GOLT1A: variants seen among roughly 807,000 people sequenced by gnomAD.
GOLT1A encodes the protein vesicle transport protein GOT1A.
Under a neutral mutation model 16.1 loss-of-function variants are expected in GOLT1A, and 10 were observed. The observed-to-expected ratio is 0.62, with a 90% CI of 0.38 to 1.05. The LOEUF (loss-of-function observed/expected upper bound fraction) is 1.05, where lower values mean the gene tolerates loss of function less well. Among genes scored for constraint, GOLT1A ranks in the 50% least tolerant of loss-of-function variants. GOLT1A has a pLI of 0.01. For synonymous variants in GOLT1A, 60 were observed against 67.9 expected (o/e 0.88, Z 0.57); for missense variants, 137 against 165.7 (o/e 0.83, Z 0.95).
intron 3 of GOLT1A, 21 bp downstream of exon 3, chr1:204,201,612 G>A: frequency 1.9e-6 from 3 of 1,613,266 alleles, no homozygotes; most frequent in Non-Finnish European, 2.5e-6. Flanking sequence ...TCTGTCCAGG[G>A]TTATAGGGAT....
intron 1 of GOLT1A, among the ~76,000 whole-genome samples, chr1:204,208,502 A>ATATATATATATATATATAT (rs1491494433): frequency 1.6e-5 from 1 of 62,104 alleles, no homozygotes; most frequent in African/African-American, 7.0e-5. Flanking sequence ...ATATATATAT[A>ATATATATATATATATATAT]AAAAATGAAC....
At chr1:204,206,893 C>T (rs1659047158) in intron 1 of GOLT1A, among the ~76,000 whole-genome samples, 1 of 151,664 alleles carries the variant, frequency 6.6e-6, no homozygotes, top group South Asian at 2.1e-4. Context: ...GTTATCCCTC[C>T]TCCACCTGTT....
intron 1 of GOLT1A, among the ~76,000 whole-genome samples, chr1:204,208,873 C>A (rs754099046): frequency 1.3e-5 from 2 of 152,102 alleles, no homozygotes; most frequent in South Asian, 2.1e-4. Context: ...ACAAAAAATT[C>A]TCCTAAACAG....
intron 3 of GOLT1A, among the ~76,000 whole-genome samples, chr1:204,199,534 C>T (rs1658918134): frequency 6.6e-6 from 1 of 152,172 alleles, no homozygotes; most frequent in South Asian, 2.1e-4. Context: ...TCTCAATTTC[C>T]AGCCATAAAA....
intron 1 of GOLT1A, among the ~76,000 whole-genome samples, chr1:204,208,476 G>GTGTGTGTATA (rs1286299770): frequency 1.5e-4 from 6 of 39,952 alleles, no homozygotes; most frequent in African/African-American, 3.9e-4. Flanking sequence ...GTGTGTGTGT[G>GTGTGTGTATA]TATATATATA....
rs11240697 is a variant in GOLT1A, at chr1:204,200,299, G to A, written c.297-1041C>T. Among the ~76,000 whole-genome samples, 7 of 82,670 alleles carry A rather than the reference G, an allele frequency of 8.5e-5. No individual in the cohort carries two copies. The South Asian group carries it at 1.1e-3, about 13-fold the overall frequency. 54.2% of individuals were successfully genotyped at this position (82,670 alleles called of 152,430 possible). Reference sequence around the variant, plus strand: ...GACTGTTTGAAAATGACATATATGTGTATATATATATATATATATATGTTT... The same window carrying A: ...GACTGTTTGAAAATGACATATATGTATATATATATATATATATATATGTTT... On this transcript the variant is annotated intron_variant, in intron 3 of 4. Coordinates refer to ENST00000308302, the MANE Select transcript of GOLT1A (RefSeq NM_198447.2).
intron 1 of GOLT1A, among the ~76,000 whole-genome samples, chr1:204,203,258 T>C (rs1658990349): frequency 6.6e-6 from 1 of 152,204 alleles, no homozygotes; most frequent in Non-Finnish European, 1.5e-5. Flanking sequence ...AAGCTGGTGC[T>C]GCCCTGACCA....
At chr1:204,204,037 T>A (rs1374529724) in intron 1 of GOLT1A, among the ~76,000 whole-genome samples, 1 of 152,194 alleles carries the variant, frequency 6.6e-6, no homozygotes, top group Non-Finnish European at 1.5e-5. Flanking sequence ...GGATATATAG[T>A]TCCTTTTTTC....
intron 1 of GOLT1A, among the ~76,000 whole-genome samples, chr1:204,203,312 C>G (rs529930953): frequency 1.3e-5 from 2 of 152,346 alleles, no homozygotes; most frequent in South Asian, 4.1e-4. Flanking sequence ...GCCACATTAT[C>G]CACATCAGTA....
intron 3 of GOLT1A, among the ~76,000 whole-genome samples, chr1:204,201,303 A>G (rs1394380140): frequency 6.6e-6 from 1 of 152,200 alleles, no homozygotes; most frequent in Non-Finnish European, 1.5e-5. Flanking sequence ...GATGATCATG[A>G]GTGTGCCTGG....
Position 204,200,804 on chromosome 1 carries a change from C to T in GOLT1A, c.296+829G>A, listed in dbSNP as rs530496779. 4.6e-5 allele frequency among the ~76,000 whole-genome samples: 7 copies of T among 152,188 alleles called. No individual in the cohort carries two copies. The East Asian group carries it at 9.6e-4, about 21-fold the overall frequency. ...AACCTGGGGATTCCTGAGCCCCACA[C>T]CTTTCCATGATTGCAGAAGCCATCA... is the stretch of plus-strand genomic sequence containing the variant. On this transcript the variant is annotated intron_variant, in intron 3 of 4. Coordinates refer to ENST00000308302, the MANE Select transcript of GOLT1A (RefSeq NM_198447.2).
At chr1:204,203,595 A>C (rs889082247) in intron 1 of GOLT1A, among the ~76,000 whole-genome samples, 1 of 152,212 alleles carries the variant, frequency 6.6e-6, no homozygotes, top group Admixed American at 6.5e-5. Flanking sequence ...AGAAGTCATC[A>C]GTTAGGAATG....
chr1:204,208,551 C>T (rs573253512), intron 1 of GOLT1A, among the ~76,000 whole-genome samples: 229 of 141,746 alleles, frequency 1.6e-3, no homozygotes, highest in African/African-American at 5.7e-3. Flanking sequence ...TAATGGCATT[C>T]GCAGCAACCT....
At chr1:204,202,622 C>A (rs1488411807) in intron 2 of GOLT1A, among the ~76,000 whole-genome samples, 1 of 152,004 alleles carries the variant, frequency 6.6e-6, no homozygotes, top group Non-Finnish European at 1.5e-5. Context: ...TCTTAGAACC[C>A]CCAGGGTCTC....
intron 1 of GOLT1A, among the ~76,000 whole-genome samples, chr1:204,208,474 G>GTC (rs1175788237): frequency 3.2e-5 from 1 of 31,430 alleles, no homozygotes; most frequent in Admixed American, 3.9e-4. Flanking sequence ...GTGTGTGTGT[G>GTC]TGTATATATA....
chr1:204,200,057 T>C (rs1185278798), intron 3 of GOLT1A, among the ~76,000 whole-genome samples: 1 of 152,094 alleles, frequency 6.6e-6, no homozygotes, highest in Non-Finnish European at 1.5e-5. Flanking sequence ...TTGTCAAGGC[T>C]GACTTTCAGT....
At chr1:204,212,978 C>T (rs539638820) in intron 1 of GOLT1A, among the ~76,000 whole-genome samples, 8 of 152,012 alleles carry the variant, frequency 5.3e-5, no homozygotes, top group South Asian at 4.2e-4. Context: ...CAGAGAGCTG[C>T]GTGGCTTTGC....
In GOLT1A at chr1:204,202,995, G is replaced by C; in HGVS notation, c.26-8C>G. The C allele has an allele frequency of 6.2e-7, 1 of 1,612,058 alleles. No homozygotes were observed. Among genetic ancestry groups the C allele is most frequent in the Non-Finnish European group, 8.5e-7 (1 of 1,178,232 alleles). ...TGATCCCCACACCAATCTCTGCAATGGGCAAGGAGGTGGTGGAGGAAAGGG... is the reference window on the plus strand; with the variant it reads ...TGATCCCCACACCAATCTCTGCAATCGGCAAGGAGGTGGTGGAGGAAAGGG... On this transcript the variant is annotated splice_polypyrimidine_tract_variant and splice_region_variant and intron_variant, in intron 1 of 4. Transcript: ENST00000308302.
At chr1:204,208,476 G>GTGTGTGTGTA (rs1286299770) in intron 1 of GOLT1A, among the ~76,000 whole-genome samples, 4 of 39,952 alleles carry the variant, frequency 1.0e-4, no homozygotes, top group Admixed American at 2.4e-4. Flanking sequence ...GTGTGTGTGT[G>GTGTGTGTGTA]TATATATATA....
Sources: gnomAD v4.1 joint callset for allele counts (sites outside exome capture counted in the v4.1 genomes callset) on GRCh38, gnomAD v4.1.1 for gene constraint, MANE v1.5 for transcripts, NCBI Gene and HGNC (gene_info 2026-07-23, HGNC 2026-07-21) for gene names.